The following MAP3K15 variants were observed in gnomAD, a reference collection of about 807,000 sequenced individuals.
MAP3K15 encodes MAPK/ERK kinase kinase 15.
Under a neutral mutation model 99.5 loss-of-function variants are expected in MAP3K15, and 124 were observed. The ratio of observed to expected loss-of-function variants is 1.25; its 90% CI spans 1.08 to 1.45. MAP3K15 has a LOEUF of 1.45. Among genes scored for constraint, MAP3K15 ranks in the 40% most tolerant of loss-of-function variants. The pLI is 0.00. For missense variants in MAP3K15, 1,242 were observed against 1,079.7 expected (o/e 1.15, Z -2.11); for synonymous variants, 494 against 439.6 (o/e 1.12, Z -1.55).
rs1011023164 is a variant in MAP3K15, at chrX:19,383,388, G to A, written c.2432-3111C>T. On this transcript the variant is annotated intron_variant, in intron 18 of 28. Coordinates refer to ENST00000338883, the MANE Select transcript of MAP3K15 (RefSeq NM_001001671.4). ...TATAGATGTATCCAGCAGTAGAAAA[G>A]AAACGCTAAACCAAACATCAATGGC... Among the ~76,000 whole-genome samples, 2 of 112,470 alleles carry A rather than the reference G, an allele frequency of 1.8e-5. 1 individual carries two copies. The highest frequency in any genetic ancestry group is 6.5e-5 in the African/African-American group (2 of 30,932).
At chrX:19,419,054 G>A (rs1357745719) in intron 9 of MAP3K15, among the ~76,000 whole-genome samples, 1 of 111,812 alleles carries the variant, frequency 8.9e-6, no homozygotes, top group Non-Finnish European at 1.9e-5. Context: ...AACATGGAAA[G>A]GAACAACCAG....
intron 18 of MAP3K15, among the ~76,000 whole-genome samples, chrX:19,387,957 G>A (rs1323008797): frequency 8.9e-6 from 1 of 111,897 alleles, no homozygotes; most frequent in East Asian, 2.8e-4. Context: ...ACATCAGCCA[G>A]GCCCACAGCA....
Position 19,373,571 on chromosome X carries a change from G to A in MAP3K15, c.2898C>T (p.Thr966=), listed in dbSNP as rs1012787614. ...DAQPDALFER[T]RAPRHHLGHL... ...GGCCAAGGTGGTGCCTGGGCGCCCGGGTCCTCTCAAAGAGTGCGTCAGGCT... is the reference window on the plus strand; with the variant it reads ...GGCCAAGGTGGTGCCTGGGCGCCCGAGTCCTCTCAAAGAGTGCGTCAGGCT... Residue 966 remains threonine, a synonymous_variant, in exon 21 of 29, where the codon ACC becomes ACT. Coordinates refer to ENST00000338883, the MANE Select transcript of MAP3K15 (RefSeq NM_001001671.4). 8.5e-7 allele frequency: 1 copy of A among 1,176,186 alleles called. No individual in the cohort carries two copies. Among genetic ancestry groups the A allele is most frequent in the Non-Finnish European group, 1.1e-6 (1 of 877,590 alleles).
At chrX:19,433,697 C>T (rs1258869427) in intron 6 of MAP3K15, among the ~76,000 whole-genome samples, 1 of 111,388 alleles carries the variant, frequency 9.0e-6, no homozygotes, top group African/African-American at 3.3e-5. Flanking sequence ...TACACTATTC[C>T]CTACTTTTAA....
intron 6 of MAP3K15, among the ~76,000 whole-genome samples, chrX:19,435,134 G>T (rs2063911789): frequency 9.0e-6 from 1 of 111,501 alleles, no homozygotes; most frequent in Non-Finnish European, 1.9e-5. Context: ...CTTTTATGAG[G>T]CACAACATTT....
At chrX:19,494,666 A>G (rs1466281153) in intron 1 of MAP3K15, among the ~76,000 whole-genome samples, 1 of 111,284 alleles carries the variant, frequency 9.0e-6, no homozygotes, top group Admixed American at 9.6e-5. Context: ...TAATTCTGTG[A>G]CTGTACTGGC....
At chrX:19,453,553 G>A (rs2064071744) in intron 6 of MAP3K15, among the ~76,000 whole-genome samples, 1 of 109,997 alleles carries the variant, frequency 9.1e-6, no homozygotes, top group Non-Finnish European at 1.9e-5. Flanking sequence ...CATTAGGGAG[G>A]GAGTTCTGGT....
chrX:19,392,606 A>G (rs2063535678), intron 16 of MAP3K15, 133 bp from the exon 17 acceptor site: 2 of 618,719 alleles, frequency 3.2e-6, no homozygotes, highest in African/African-American at 4.5e-5. Context: ...GGCTAAATGC[A>G]ACATGTTTCC....
chrX:19,385,591 T>C (rs1257459107), intron 18 of MAP3K15, among the ~76,000 whole-genome samples: 1 of 111,240 alleles, frequency 9.0e-6, no homozygotes, highest in Non-Finnish European at 1.9e-5. Flanking sequence ...GGCTTACCAA[T>C]TGTCTCCACA....
chrX:19,403,415 G>T (rs899107754), intron 13 of MAP3K15, among the ~76,000 whole-genome samples: 2 of 108,072 alleles, frequency 1.9e-5, no homozygotes. Context: ...ACTGTAAATT[G>T]AAGGTTATGA....
At chrX:19,397,893 C>T (rs1002592648) in intron 15 of MAP3K15, among the ~76,000 whole-genome samples, 2 of 109,609 alleles carry the variant, frequency 1.8e-5, no homozygotes, top group Admixed American at 9.7e-5. Flanking sequence ...ACCTGACCAA[C>T]ATGGTGAAAC....
chrX:19,407,160 G>A lies in MAP3K15; in HGVS notation c.1844+28C>T, dbSNP rs753605834. The A allele has an allele frequency of 4.2e-6, 4 of 942,081 alleles. No homozygotes were observed. In the African/African-American group the frequency reaches 8.1e-5, roughly 19 times the overall value. The allele number at this position is 942,081 out of a possible 1,213,427, so 77.6% of individuals were successfully genotyped here. A position where few individuals can be genotyped will look rare whatever the true frequency, so the allele number is the denominator to read the frequency against. ...AAAAATGATTCGCCATAATTACATT[G>A]CAAATACCTGAATTGGCTGTAACTC... On this transcript the variant is annotated intron_variant, in intron 13 of 28. Coordinates refer to ENST00000338883, the MANE Select transcript of MAP3K15 (RefSeq NM_001001671.4).
chrX:19,424,465 A>T (rs1327104892), intron 9 of MAP3K15, among the ~76,000 whole-genome samples: 1 of 110,135 alleles, frequency 9.1e-6, no homozygotes, highest in Non-Finnish European at 1.9e-5. Flanking sequence ...TACAAGTCAC[A>T]TGCCAAACAC....
chrX:19,460,996 T>G (rs2064129601), intron 4 of MAP3K15, among the ~76,000 whole-genome samples: 1 of 107,827 alleles, frequency 9.3e-6, no homozygotes, highest in Non-Finnish European at 1.9e-5. Context: ...TTTCTTTTTC[T>G]TAAGACAGAG....
intron 1 of MAP3K15, among the ~76,000 whole-genome samples, chrX:19,495,356 C>T (rs1033399647): frequency 2.7e-5 from 3 of 111,374 alleles, no homozygotes; most frequent in African/African-American, 9.8e-5. Flanking sequence ...TAAGAAGGAG[C>T]CAATATACCA....
At position 19,361,503 on chromosome X, in the gene MAP3K15, G is replaced by T; in HGVS notation, c.3770C>A (p.Thr1257Lys). The change falls in exon 27 of 29, where the codon ACA becomes AAA. Residue 1257 changes from threonine to lysine, a missense_variant. Thr to Lys is a moderately conservative substitution (Grantham distance 78). Coordinates refer to ENST00000338883, the MANE Select transcript of MAP3K15 (RefSeq NM_001001671.4). ...WLRLQGADAK[T>K]IEKIVEEGYT... ...TTGTTGTAAATTTACCTTTTCAATT[G>T]TCTTTGCATCAGCTCCTTGCAGCCG... 1 of 1,208,894 alleles carries T rather than the reference G, an allele frequency of 8.3e-7. No individual in the cohort carries two copies. Among genetic ancestry groups the T allele is most frequent in the East Asian group, 3.0e-5 (1 of 33,830 alleles).
At chrX:19,465,832 T>TGG (rs1480130759) in intron 3 of MAP3K15, among the ~76,000 whole-genome samples, 2 of 94,886 alleles carry the variant, frequency 2.1e-5, no homozygotes, top group Non-Finnish European at 4.1e-5. Flanking sequence ...TGTGTAGGGG[T>TGG]GTGTGTGTGT....
At chrX:19,389,489 G>A (rs1412341712) in intron 18 of MAP3K15, among the ~76,000 whole-genome samples, 1 of 110,931 alleles carries the variant, frequency 9.0e-6, no homozygotes, top group African/African-American at 3.3e-5. Flanking sequence ...CCAGAGTTCT[G>A]CACCAACCAG....
intron 3 of MAP3K15, among the ~76,000 whole-genome samples, chrX:19,474,542 T>TC (rs1491492013): frequency 2.0e-5 from 1 of 50,472 alleles, no homozygotes; most frequent in Admixed American, 2.8e-4. Flanking sequence ...TTCTTGGAGG[T>TC]TGGGGGGGGG....
Sources: gnomAD v4.1 joint callset for allele counts (sites outside exome capture counted in the v4.1 genomes callset) on GRCh38, gnomAD v4.1.1 for gene constraint, MANE v1.5 for transcripts, NCBI Gene and HGNC (gene_info 2026-07-23, HGNC 2026-07-21) for gene names.